The following SNAP25 variants were observed in gnomAD, a reference collection of about 807,000 sequenced individuals.
SNAP25 encodes synaptosome associated protein 25.
Under a neutral mutation model 28.7 loss-of-function variants are expected in SNAP25, and 3 were observed. That is an observed-to-expected ratio of 0.10 (90% CI 0.05 to 0.27). SNAP25 has a LOEUF of 0.27. SNAP25 is among the 10% of genes least tolerant of loss of function. SNAP25 has a pLI of 1.00. For missense variants in SNAP25, 117 were observed against 278.7 expected, an observed-to-expected ratio of 0.42 and a Z score of 4.13; for synonymous variants, 61 against 88.1, an observed-to-expected ratio of 0.69 and a Z score of 1.72.
Position 10,289,490 on chromosome 20 carries a change from A to G in SNAP25, c.164-3671A>G, listed in dbSNP as rs765712284. Among the ~76,000 whole-genome samples the G allele has an allele frequency of 9.2e-5, 14 of 151,908 alleles. No homozygotes were observed. The East Asian group carries it at 1.2e-3, about 13-fold the overall frequency. On this transcript the variant is annotated intron_variant, in intron 4 of 7. Transcript: ENST00000254976. Reference sequence around the variant, plus strand: ...TAAATTCCTGTCCGGAGAGTCAGCTATCTTAAAAGGTTCATGGCACTACAA... The same window carrying G: ...TAAATTCCTGTCCGGAGAGTCAGCTGTCTTAAAAGGTTCATGGCACTACAA...
chr20:10,307,266 T>A lies in SNAP25; in HGVS notation c.*1069T>A, dbSNP rs2064383444. On this transcript the variant is annotated 3_prime_UTR_variant, in exon 8 of 8. Coordinates refer to ENST00000254976, the MANE Select transcript of SNAP25 (RefSeq NM_130811.4). ...ATGTTTAGTAGCTGATAAAGAAACCTTTTAAAAAAATAATATAAATGAATG... is the reference window on the plus strand; with the variant it reads ...ATGTTTAGTAGCTGATAAAGAAACCATTTAAAAAAATAATATAAATGAATG... 1 of 152,646 alleles carries A rather than the reference T, an allele frequency of 6.6e-6. No homozygotes were observed. Among genetic ancestry groups the A allele is most frequent in the Admixed American group, 6.5e-5 (1 of 15,280 alleles). 9.5% of individuals were successfully genotyped at this position (152,646 alleles called of 1,614,324 possible).
At chr20:10,299,919 G>T (rs1046943743) in intron 7 of SNAP25, among the ~76,000 whole-genome samples, 1 of 152,310 alleles carries the variant, frequency 6.6e-6, no homozygotes, top group Admixed American at 6.5e-5. Flanking sequence ...AAGTGGAGGT[G>T]GTGAAGGGAT....
At chr20:10,228,045 C>T (rs2062763499) in intron 1 of SNAP25, among the ~76,000 whole-genome samples, 1 of 152,040 alleles carries the variant, frequency 6.6e-6, no homozygotes, top group South Asian at 2.1e-4. Context: ...AATCATAAGC[C>T]TGGGCATGAT....
At chr20:10,287,962 G>A (rs1000270019) in intron 4 of SNAP25, among the ~76,000 whole-genome samples, 11 of 150,204 alleles carry the variant, frequency 7.3e-5, no homozygotes, top group African/African-American at 2.7e-4. Context: ...TGAACAATGA[G>A]AACACATGGA....
At chr20:10,284,900 A>G in intron 4 of SNAP25, 128 bp downstream of exon 4, 1 of 709,628 alleles carries the variant, frequency 1.4e-6, no homozygotes, top group Non-Finnish European at 2.4e-6. Context: ...AGGGTTCTAG[A>G]TTTTTCATCT....
chr20:10,269,976 CGGCACGGT>C (rs1254756227), intron 1 of SNAP25, among the ~76,000 whole-genome samples: 1 of 152,170 alleles, frequency 6.6e-6, no homozygotes, highest in Non-Finnish European at 1.5e-5. Flanking sequence ...GACTCCAGCC[CGGCACGGT>C]GGCTTACGCC....
At chr20:10,287,344 T>C (rs1286411336) in intron 4 of SNAP25, among the ~76,000 whole-genome samples, 1 of 152,042 alleles carries the variant, frequency 6.6e-6, no homozygotes, top group East Asian at 1.9e-4. Context: ...AAAAAGTGGG[T>C]GAAGGACATG....
intron 4 of SNAP25, among the ~76,000 whole-genome samples, chr20:10,286,826 A>C (rs1294737549): frequency 6.6e-6 from 1 of 152,206 alleles, no homozygotes; most frequent in Non-Finnish European, 1.5e-5. Flanking sequence ...TACACAAATA[A>C]CAAAGTCTAC....
intron 1 of SNAP25, among the ~76,000 whole-genome samples, chr20:10,224,255 G>GTATTTTTTTTT (rs1438577018): frequency 4.2e-5 from 1 of 24,034 alleles, no homozygotes; most frequent in African/African-American, 2.6e-4. Flanking sequence ...GAATGTACAT[G>GTATTTTTTTTT]TCTTTTTTTT....
chr20:10,234,222 A>G (rs1011254367), intron 1 of SNAP25, among the ~76,000 whole-genome samples: 1 of 152,146 alleles, frequency 6.6e-6, no homozygotes, highest in Non-Finnish European at 1.5e-5. Context: ...TCTGGAAAGG[A>G]AGATGATACA....
intron 1 of SNAP25, among the ~76,000 whole-genome samples, chr20:10,240,008 G>A (rs1022511): frequency 0.89 from 135,457 of 152,260 alleles, 60,317 homozygotes; most frequent in Middle Eastern, 0.95. Context: ...TGGGAATCAC[G>A]AGTCTGGGCC....
chr20:10,262,603 T>C (rs362563), intron 1 of SNAP25, among the ~76,000 whole-genome samples: 15,283 of 152,012 alleles, frequency 0.1, 1,095 homozygotes, highest in East Asian at 0.28. Context: ...AAATAGCTCA[T>C]AAACAAGTGG....
intron 1 of SNAP25, among the ~76,000 whole-genome samples, chr20:10,242,786 G>A (rs1279140570): frequency 6.6e-6 from 1 of 152,174 alleles, no homozygotes; most frequent in African/African-American, 2.4e-5. Context: ...CAGCTTCCCA[G>A]GAATAAGTTC....
chr20:10,260,688 T>TACACACACAC lies in SNAP25; in HGVS notation c.-63-14715_-63-14706dup, dbSNP rs36220354. The stretch of plus-strand genomic sequence containing the variant: ...AGGTTAATGGCATACTTAGACTCAC[T>TACACACACAC]ACACACACACACACACACACACACA... On this transcript the variant is annotated intron_variant, in intron 1 of 7. Coordinates refer to ENST00000254976, the MANE Select transcript of SNAP25 (RefSeq NM_130811.4). 2.0e-5 allele frequency among the ~76,000 whole-genome samples: 3 copies of TACACACACAC among 148,596 alleles called. No individual in the cohort carries two copies. In the East Asian group the frequency reaches 6.0e-4, roughly 30 times the overall value.
At chr20:10,234,525 AT>A (rs1234597300) in intron 1 of SNAP25, among the ~76,000 whole-genome samples, 5 of 152,222 alleles carry the variant, frequency 3.3e-5, no homozygotes, top group Non-Finnish European at 1.5e-5. Context: ...ACCATTACTT[AT>A]GCCCAAGGCA....
At chr20:10,305,454 C>T (rs576933207) in intron 7 of SNAP25, among the ~76,000 whole-genome samples, 1 of 152,070 alleles carries the variant, frequency 6.6e-6, no homozygotes, top group East Asian at 1.9e-4. Context: ...AGATGGGAGG[C>T]TCAGTTGAGC....
intron 1 of SNAP25, among the ~76,000 whole-genome samples, chr20:10,248,680 G>A (rs1343389350): frequency 6.6e-6 from 1 of 152,212 alleles, no homozygotes; most frequent in Non-Finnish European, 1.5e-5. Flanking sequence ...CAAGTAAGTA[G>A]TAGAGCCAGC....
chr20:10,224,522 C>T (rs369168064), intron 1 of SNAP25, among the ~76,000 whole-genome samples: 1 of 151,930 alleles, frequency 6.6e-6, no homozygotes, highest in African/African-American at 2.4e-5. Flanking sequence ...TCAATGAAAT[C>T]AGTGCTGAAA....
At chr20:10,284,111 A>C (rs2063830169) in intron 3 of SNAP25, among the ~76,000 whole-genome samples, 1 of 152,160 alleles carries the variant, frequency 6.6e-6, no homozygotes, top group Non-Finnish European at 1.5e-5. Context: ...TCTCATCTCA[A>C]ACCCATTCTA....
Sources: gnomAD v4.1 joint callset for allele counts (sites outside exome capture counted in the v4.1 genomes callset) on GRCh38, gnomAD v4.1.1 for gene constraint, MANE v1.5 for transcripts, NCBI Gene and HGNC (gene_info 2026-07-23, HGNC 2026-07-21) for gene names.